NPAS2: variants seen among roughly 807,000 people sequenced by gnomAD.
The protein encoded by NPAS2 is neuronal PAS domain-containing protein 2.
Under a neutral mutation model 107.5 loss-of-function variants are expected in NPAS2, and 23 were observed. That is an observed-to-expected ratio of 0.21 (90% CI 0.15 to 0.30). The LOEUF is 0.30. Ranked by LOEUF, NPAS2 falls within the 10% of genes least tolerant of loss-of-function variation. NPAS2 has a pLI of 1.00. For synonymous variants in NPAS2, 403 were observed against 417.5 expected, an observed-to-expected ratio of 0.97 and a Z score of 0.42; for missense variants, 756 against 1,043.3, an observed-to-expected ratio of 0.72 and a Z score of 3.79.
chr2:100,868,027 C>A (rs1448965442), intron 1 of NPAS2, among the ~76,000 whole-genome samples: 3 of 151,972 alleles, frequency 2.0e-5, no homozygotes, highest in Non-Finnish European at 2.9e-5. Context: ...AATATGAAGA[C>A]CTTAGAATGA....
chr2:100,990,945 C>T (rs1289869927), intron 19 of NPAS2, 73 bp downstream of exon 19: 1 of 1,288,518 alleles, frequency 7.8e-7, no homozygotes, highest in Non-Finnish European at 1.1e-6. Context: ...ACTCACCCGC[C>T]TGGGCCAGCA....
At chr2:100,821,827 A>T (rs1676091754) in intron 1 of NPAS2, among the ~76,000 whole-genome samples, 1 of 152,228 alleles carries the variant, frequency 6.6e-6, no homozygotes, top group Admixed American at 6.5e-5. Flanking sequence ...AAATAGTGTA[A>T]TGTTTAAAAG....
intron 5 of NPAS2, 117 bp downstream of exon 5, chr2:100,937,959 C>A: frequency 1.2e-6 from 1 of 862,686 alleles, no homozygotes; most frequent in Non-Finnish European, 2.0e-6. Flanking sequence ...GAGAAGAGGG[C>A]GGAGAGTAAA....
At chr2:100,895,243 T>A (rs1681331504) in intron 1 of NPAS2, among the ~76,000 whole-genome samples, 1 of 152,240 alleles carries the variant, frequency 6.6e-6, no homozygotes, top group African/African-American at 2.4e-5. Context: ...GATAGTGTGA[T>A]TAAAATTCTG....
At chr2:100,975,707 G>A (rs1465489145) in intron 14 of NPAS2, 140 bp downstream of exon 14, 7 of 550,740 alleles carry the variant, frequency 1.3e-5, no homozygotes, top group African/African-American at 2.0e-5. Context: ...ATGGGGGTGG[G>A]AAGTTAAGTA....
chr2:100,987,935 C>T, intron 16 of NPAS2, 144 bp from the exon 17 acceptor site: 1 of 865,068 alleles, frequency 1.2e-6, no homozygotes, highest in East Asian at 2.4e-5. Flanking sequence ...CACAGGTGCT[C>T]CATGTCCACC....
At chr2:100,988,531 T>C in intron 17 of NPAS2, 1 of 492,288 alleles carries the variant, frequency 2.0e-6, no homozygotes. Context: ...TGCTTAAAGA[T>C]ATCACTCGGC....
intron 1 of NPAS2, among the ~76,000 whole-genome samples, chr2:100,825,345 G>C (rs1558782469): frequency 6.6e-6 from 1 of 152,028 alleles, no homozygotes; most frequent in Non-Finnish European, 1.5e-5. Context: ...AGAAAAGAAG[G>C]AAAAAACCCC....
chr2:100,946,005 A>G (rs1674870997), intron 5 of NPAS2, among the ~76,000 whole-genome samples: 8 of 152,192 alleles, frequency 5.3e-5, no homozygotes, highest in Admixed American at 5.2e-4. Context: ...GCTCTCCTGA[A>G]GCTCCTGTTG....
intron 1 of NPAS2, among the ~76,000 whole-genome samples, chr2:100,860,105 A>G (rs1678844342): frequency 6.6e-6 from 1 of 152,214 alleles, no homozygotes; most frequent in Non-Finnish European, 1.5e-5. Flanking sequence ...TCAGGATCCA[A>G]TACAGGATCA....
intron 15 of NPAS2, 125 bp downstream of exon 15, chr2:100,977,924 G>A (rs966183584): frequency 1.7e-5 from 13 of 784,182 alleles, no homozygotes; most frequent in South Asian, 1.2e-4. Flanking sequence ...CCCTCCCAAT[G>A]TGTGTGTGGC....
chr2:100,990,182 A>G, intron 17 of NPAS2, 74 bp from the exon 18 acceptor site: 1 of 1,355,012 alleles, frequency 7.4e-7, no homozygotes, highest in South Asian at 1.3e-5. Flanking sequence ...AGGAGGAGAC[A>G]CTGGGAGGTT....
At chr2:100,891,991 C>G (rs1241468143) in intron 1 of NPAS2, among the ~76,000 whole-genome samples, 2 of 152,250 alleles carry the variant, frequency 1.3e-5, no homozygotes, top group East Asian at 3.9e-4. Flanking sequence ...AAGCATGACT[C>G]GTAAATCTCC....
At chr2:100,932,442 CAG>C (rs1221902724) in intron 3 of NPAS2, among the ~76,000 whole-genome samples, 2 of 152,352 alleles carry the variant, frequency 1.3e-5, no homozygotes, top group African/African-American at 4.8e-5. Context: ...CTGTATAACA[CAG>C]TGGGTTATTT....
intron 2 of NPAS2, among the ~76,000 whole-genome samples, chr2:100,912,015 A>C (rs956146269): frequency 1.3e-5 from 2 of 152,080 alleles, no homozygotes; most frequent in African/African-American, 4.8e-5. Context: ...AGGAAAGTTC[A>C]CCTTTTATGG....
Position 100,990,326 on chromosome 2 carries a change from C to T in NPAS2, c.1898C>T (p.Pro633Leu), listed in dbSNP as rs146053755. ...CGCTCTGGAAGCAGCCTAGTGTCCC[C>T]GTTCAGCAGCGCCACAGCTGCGCTC... ...SGRSGSSLVSPFSSATAALPP... is the reference protein window; with the variant it reads ...SGRSGSSLVSLFSSATAALPP... The change falls in exon 18 of 21, where the codon CCG (proline) becomes CTG (leucine). Residue 633 changes from proline (P) to leucine (L), a missense_variant. Around this residue, in one of 4 missense-constraint regions of NPAS2, gnomAD observed 496 missense variants for 594.4 expected, o/e 0.83. Coordinates refer to ENST00000335681, the MANE Select transcript of NPAS2 (RefSeq NM_002518.4). The T allele has an allele frequency of 1.6e-5, 26 of 1,614,150 alleles. No homozygotes were observed. Among genetic ancestry groups the T allele is most frequent in the East Asian group, 4.5e-5 (2 of 44,866 alleles).
intron 1 of NPAS2, among the ~76,000 whole-genome samples, chr2:100,843,635 G>A (rs1677586819): frequency 6.6e-6 from 1 of 152,106 alleles, no homozygotes; most frequent in South Asian, 2.1e-4. Context: ...TAACACTTAT[G>A]TTAAGCAGAA....
At chr2:100,904,888 G>A in intron 2 of NPAS2, 102 bp downstream of exon 2, 1 of 784,572 alleles carries the variant, frequency 1.3e-6, no homozygotes, top group Non-Finnish European at 2.2e-6. Context: ...GAGGCCACCA[G>A]CAAGATAGGC....
chr2:100,950,233 C>T (rs1413063398), intron 7 of NPAS2, among the ~76,000 whole-genome samples: 1 of 151,934 alleles, frequency 6.6e-6, no homozygotes, highest in Non-Finnish European at 1.5e-5. Context: ...CCAAACTCAA[C>T]ACAAAACAAA....
Sources: allele counts gnomAD v4.1 joint callset (sites outside exome capture counted in the v4.1 genomes callset), GRCh38; gene constraint gnomAD v4.1.1; regional missense constraint gnomAD v4.1.1; transcripts MANE v1.5; gene names NCBI Gene and HGNC (gene_info 2026-07-23, HGNC 2026-07-21).